Variants in NCOA1 observed in about 807,000 individuals in gnomAD.
NCOA1 encodes the protein nuclear receptor coactivator 1, also known as Hin-2 protein.
A neutral mutation model predicts 150.9 loss-of-function variants in NCOA1; 35 were observed. That is an observed-to-expected ratio of 0.23 (90% CI 0.18 to 0.31). NCOA1 has a LOEUF of 0.31. Among genes scored for constraint, NCOA1 ranks in the 10% least tolerant of loss-of-function variants. NCOA1 has a pLI of 1.00. For synonymous variants in NCOA1, 590 were observed against 630.0 expected (o/e 0.94, Z 0.95); for missense variants, 1,491 against 1,749.3 (o/e 0.85, Z 2.63).
Position 24,603,234 on chromosome 2 carries a change from G to A in NCOA1, c.-175+18674G>A, listed in dbSNP as rs920344468. Among the ~76,000 whole-genome samples, 3 of 152,146 alleles carry A rather than the reference G, an allele frequency of 2.0e-5. No individual in the cohort carries two copies. In the East Asian group the frequency reaches 5.8e-4, roughly 29 times the overall value. Reference sequence around the variant, plus strand: ...TACTTTATTGCTGAAAATTGCTAACGATTATGTGAACTTTCAGTGAGTCAT... The same window carrying A: ...TACTTTATTGCTGAAAATTGCTAACAATTATGTGAACTTTCAGTGAGTCAT... On this transcript the variant is annotated intron_variant, in intron 3 of 22. Coordinates refer to ENST00000348332, the MANE Select transcript of NCOA1 (RefSeq NM_003743.5).
intron 14 of NCOA1, among the ~76,000 whole-genome samples, chr2:24,712,505 G>A (rs558331711): frequency 6.6e-6 from 1 of 152,258 alleles, no homozygotes; most frequent in Admixed American, 6.5e-5. Flanking sequence ...GAAGAGACAA[G>A]CCTGGCACTC....
chr2:24,653,582 G>A (rs1446543915), intron 4 of NCOA1, among the ~76,000 whole-genome samples: 2 of 151,682 alleles, frequency 1.3e-5, no homozygotes, highest in Admixed American at 1.3e-4. Context: ...TATCCTTTAG[G>A]TATTGTGTTA....
At position 24,707,711 on chromosome 2, in the gene NCOA1, G is replaced by T. The variant is rs544383182; in HGVS notation, c.2241G>T (p.Gln747His). ...AGAAAAAAGAATCAAAAGACCATCA[G>T]CTCCTACGCTATCTTTTAGATAAAG... ...ASKKKESKDHQLLRYLLDKDE... is the reference protein window; with the variant it reads ...ASKKKESKDHHLLRYLLDKDE... Residue 747 changes from glutamine to histidine, a missense_variant, in exon 13 of 23, where the codon CAG (glutamine) becomes CAT (histidine). Physicochemically the swap from Gln to His is conservative, Grantham distance 24 (BLOSUM62 0). Coordinates refer to ENST00000348332, the MANE Select transcript of NCOA1 (RefSeq NM_003743.5). 8 of 1,614,118 alleles carry T rather than the reference G, an allele frequency of 5.0e-6. No individual in the cohort carries two copies. Among genetic ancestry groups the T allele is most frequent in the Middle Eastern group, 1.6e-4 (1 of 6,062 alleles).
chr2:24,558,039 A>G (rs1041724028), intron 1 of NCOA1, among the ~76,000 whole-genome samples: 1 of 150,758 alleles, frequency 6.6e-6, no homozygotes, highest in Non-Finnish European at 1.5e-5. Flanking sequence ...ATTCTTGGCC[A>G]TGATCTCTTC....
At chr2:24,703,468 A>C (rs1673263802) in intron 11 of NCOA1, among the ~76,000 whole-genome samples, 1 of 152,216 alleles carries the variant, frequency 6.6e-6, no homozygotes, top group Non-Finnish European at 1.5e-5. Flanking sequence ...TCTAATTTCA[A>C]AACATAAAGT....
chr2:24,553,897 C>A (rs977386029), intron 1 of NCOA1, among the ~76,000 whole-genome samples: 6 of 152,070 alleles, frequency 3.9e-5, no homozygotes, highest in East Asian at 1.9e-4. Context: ...ACCAAGGGAG[C>A]CTTTGTCATG....
intron 3 of NCOA1, among the ~76,000 whole-genome samples, chr2:24,633,436 A>G (rs1669795478): frequency 6.6e-6 from 1 of 152,172 alleles, no homozygotes; most frequent in Admixed American, 6.5e-5. Flanking sequence ...AACATTCCAA[A>G]AAAGGGAAAA....
intron 3 of NCOA1, among the ~76,000 whole-genome samples, chr2:24,620,881 C>T (rs1405945548): frequency 6.6e-6 from 1 of 152,100 alleles, no homozygotes; most frequent in East Asian, 1.9e-4. Context: ...CAGGACCTTT[C>T]TATGCTACTT....
At chr2:24,628,169 G>A (rs1044267495) in intron 3 of NCOA1, among the ~76,000 whole-genome samples, 3 of 151,970 alleles carry the variant, frequency 2.0e-5, no homozygotes, top group East Asian at 1.9e-4. Flanking sequence ...GTGTGGTGGC[G>A]GACGCCTGTA....
At chr2:24,503,448 A>G (rs1663551299) in intron 1 of NCOA1, among the ~76,000 whole-genome samples, 1 of 152,216 alleles carries the variant, frequency 6.6e-6, no homozygotes, top group South Asian at 2.1e-4. Flanking sequence ...ATTTTTCAAC[A>G]CAGTCTTCAC....
chr2:24,583,292 T>C (rs1667274846), intron 2 of NCOA1, among the ~76,000 whole-genome samples: 1 of 151,920 alleles, frequency 6.6e-6, no homozygotes, highest in Non-Finnish European at 1.5e-5. Flanking sequence ...GGCCAACAAA[T>C]ATATGGAAAA....
intron 3 of NCOA1, among the ~76,000 whole-genome samples, chr2:24,591,703 A>G (rs949877860): frequency 1.3e-5 from 2 of 152,068 alleles, no homozygotes; most frequent in African/African-American, 4.8e-5. Flanking sequence ...GGCCTAGAGA[A>G]CACTCTTCTC....
chr2:24,565,231 T>G (rs1160434004), intron 2 of NCOA1, among the ~76,000 whole-genome samples: 1 of 152,224 alleles, frequency 6.6e-6, no homozygotes, highest in Non-Finnish European at 1.5e-5. Context: ...CAAAAATAGT[T>G]CTGTTTTCAC....
intron 2 of NCOA1, among the ~76,000 whole-genome samples, chr2:24,572,095 G>A (rs545873584): frequency 4.6e-5 from 7 of 152,072 alleles, no homozygotes; most frequent in Non-Finnish European, 1.0e-4. Context: ...TATGTATCTA[G>A]TAAATACGCT....
rs1032217676 is a variant in NCOA1, at chr2:24,656,241, A to C, written c.-17-2420A>C. 2.6e-5 allele frequency among the ~76,000 whole-genome samples: 4 copies of C among 152,220 alleles called. 1 individual carries two copies. The highest frequency in any genetic ancestry group is 9.6e-5 in the African/African-American group (4 of 41,452). On this transcript the variant is annotated intron_variant, in intron 4 of 22. Transcript: ENST00000348332. ...TTATAGAGAGACTTTGCCCAAGGACAGGCAGGTAGTGTTTAATCCAGGATT... is the reference window on the plus strand; with the variant it reads ...TTATAGAGAGACTTTGCCCAAGGACCGGCAGGTAGTGTTTAATCCAGGATT...
chr2:24,557,990 C>A lies in NCOA1; in HGVS notation c.-395-6305C>A, dbSNP rs901249151. Among the ~76,000 whole-genome samples, 73 of 150,946 alleles carry A rather than the reference C, an allele frequency of 4.8e-4. 1 individual carries two copies. Among genetic ancestry groups the A allele is most frequent in the Admixed American group, 1.6e-3 (25 of 15,180 alleles). On this transcript the variant is annotated intron_variant, in intron 1 of 22. Transcript: ENST00000348332. ...CTTGGAATTTTTTGGATCTCTGGTT[C>A]ATTTTCCCAAAATGAACCCTTGGGT...
At chr2:24,541,897 TA>T (rs1665414314) in intron 1 of NCOA1, among the ~76,000 whole-genome samples, 1 of 152,176 alleles carries the variant, frequency 6.6e-6, no homozygotes, top group African/African-American at 2.4e-5. Flanking sequence ...TTTAAATTCA[TA>T]GACTCAGTGC....
At chr2:24,685,096 T>TTA (rs879492246) in intron 8 of NCOA1, among the ~76,000 whole-genome samples, 73 of 151,580 alleles carry the variant, frequency 4.8e-4, no homozygotes, top group African/African-American at 1.6e-3. Context: ...GGATCATTAT[T>TTA]TATATATATA....
rs943312559 is a variant in NCOA1 at position 24,663,316 on chromosome 2, G to A, written c.90-2433G>A. 3.3e-5 allele frequency among the ~76,000 whole-genome samples: 5 copies of A among 152,164 alleles called. No individual in the cohort carries two copies. The South Asian group carries it at 8.3e-4, about 25-fold the overall frequency. ...AGCCTCTCCCTACCACTGAGTTCAT[G>A]TATCTTGTTCTCTAGGTCTAGATGT... On this transcript the variant is annotated intron_variant, in intron 5 of 22. Coordinates refer to ENST00000348332, the MANE Select transcript of NCOA1 (RefSeq NM_003743.5).
Sources: allele counts gnomAD v4.1 joint callset (sites outside exome capture counted in the v4.1 genomes callset), GRCh38; gene constraint gnomAD v4.1.1; transcripts MANE v1.5; gene names NCBI Gene and HGNC (gene_info 2026-07-23, HGNC 2026-07-21).